DGKH: variants seen among roughly 807,000 people sequenced by gnomAD.
The protein encoded by DGKH is DAG kinase eta.
A neutral mutation model predicts 159.3 loss-of-function variants in DGKH; 90 were observed. That is an observed-to-expected ratio of 0.57 (90% CI 0.48 to 0.67). The LOEUF is 0.67. DGKH is among the 30% of genes least tolerant of loss of function. The pLI is 0.00. For synonymous variants in DGKH, 536 were observed against 553.8 expected (o/e 0.97, Z 0.45); for missense variants, 1,181 against 1,506.1 (o/e 0.78, Z 3.57).
chr13:42,229,368 G>A lies in DGKH; in HGVS notation c.*180G>A, dbSNP rs533558033. On this transcript the variant is annotated 3_prime_UTR_variant, in exon 30 of 30. Transcript: ENST00000337343. ...TTGAGGTATTAGAAAATATTTTTGT[G>A]CCGAACAATACATTCCACAAAGCCA... 7.0e-5 allele frequency: 39 copies of A among 554,592 alleles called. 1 individual carries two copies. The African/African-American group carries it at 7.4e-4, about 11-fold the overall frequency. 34.4% of individuals were successfully genotyped at this position (554,592 alleles called of 1,614,324 possible). A position where few individuals can be genotyped will look rare whatever the true frequency, so the allele number is the denominator to read the frequency against.
chr13:42,147,708 C>T (rs993172320), intron 3 of DGKH, among the ~76,000 whole-genome samples: 6 of 152,154 alleles, frequency 3.9e-5, no homozygotes, highest in African/African-American at 1.2e-4. Flanking sequence ...TGAAAGCCTA[C>T]ATAAATAATT....
Position 42,155,750 on chromosome 13 carries a change from G to A in DGKH, c.573G>A (p.Val191=). ...ACGCCCGACCCACCTTCTGTAACGT[G>A]TGCAGAGAGAGTCTTTCTGGAGTCA... is the stretch of plus-strand genomic sequence containing the variant. ...CSHARPTFCN[V]CRESLSGVTS... is the part of the protein sequence containing the mutation. The change falls in exon 5 of 30, where the codon GTG becomes GTA. Residue 191 remains valine, a synonymous_variant. Transcript: ENST00000337343. 1 of 1,614,086 alleles carries A rather than the reference G, an allele frequency of 6.2e-7. No homozygotes were observed. The highest frequency in any genetic ancestry group is 1.6e-4 in the Middle Eastern group (1 of 6,062).
intron 13 of DGKH, among the ~76,000 whole-genome samples, chr13:42,180,964 T>C (rs577499620): frequency 1.3e-5 from 2 of 152,252 alleles, no homozygotes; most frequent in East Asian, 3.9e-4. Context: ...ACCATCTTAA[T>C]GAAATTCTGC....
chr13:42,062,582 T>C (rs1882264733), intron 1 of DGKH, among the ~76,000 whole-genome samples: 2 of 152,198 alleles, frequency 1.3e-5, no homozygotes, highest in South Asian at 2.1e-4. Context: ...CAAAGAAATA[T>C]GTTCTATCAG....
intron 3 of DGKH, among the ~76,000 whole-genome samples, chr13:42,154,890 T>A (rs549178832): frequency 8.2e-4 from 123 of 150,690 alleles, no homozygotes; most frequent in Non-Finnish European, 1.5e-3. Context: ...AAAAAAAAAA[T>A]TAAGAAATCA....
chr13:42,213,889 T>C (rs1290593225), intron 24 of DGKH, among the ~76,000 whole-genome samples: 3 of 152,174 alleles, frequency 2.0e-5, no homozygotes, highest in Non-Finnish European at 4.4e-5. Flanking sequence ...TCTTAGAGGT[T>C]TGGATACCAG....
intron 1 of DGKH, among the ~76,000 whole-genome samples, chr13:42,098,416 T>G (rs1376820715): frequency 5.3e-5 from 8 of 151,726 alleles, no homozygotes; most frequent in Non-Finnish European, 1.2e-4. Flanking sequence ...GAACTCGGGA[T>G]GCAGAGGTTC....
At chr13:42,069,453 A>C (rs1882810284) in intron 1 of DGKH, 3 of 1,550,246 alleles carry the variant, frequency 1.9e-6, no homozygotes, top group Non-Finnish European at 2.6e-6. Context: ...TTAATTTATC[A>C]ACAACATCAG....
At chr13:42,064,380 A>C (rs1882409117) in intron 1 of DGKH, among the ~76,000 whole-genome samples, 1 of 152,050 alleles carries the variant, frequency 6.6e-6, no homozygotes, top group Admixed American at 6.6e-5. Context: ...GGTGACCAGG[A>C]CTCTAAGCGC....
chr13:42,255,936 T>C (rs1958654212), intron 30 of DGKH: 1 of 1,599,154 alleles, frequency 6.3e-7, no homozygotes, highest in Admixed American at 1.7e-5. Context: ...CCAAATAAAT[T>C]TGAAGCTCTG....
intron 11 of DGKH, among the ~76,000 whole-genome samples, chr13:42,169,411 T>G (rs1956392108): frequency 6.6e-6 from 1 of 152,184 alleles, no homozygotes; most frequent in Non-Finnish European, 1.5e-5. Context: ...CTTAATTGCT[T>G]TCTCTCTGAA....
chr13:42,057,020 T>A (rs1048261103), intron 1 of DGKH, among the ~76,000 whole-genome samples: 8 of 152,212 alleles, frequency 5.3e-5, no homozygotes, highest in Non-Finnish European at 1.0e-4. Context: ...AATTTTGAAA[T>A]AAAAAATTCC....
rs757717507 is a variant in DGKH, at chr13:42,210,700, C to T, written c.2949C>T (p.Asp983=). The T allele has an allele frequency of 1.2e-6, 2 of 1,612,272 alleles. No homozygotes were observed. Among genetic ancestry groups the T allele is most frequent in the East Asian group, 2.2e-5 (1 of 44,890 alleles). ...ATTTGTACATCCATCACGCCATTGA[C>T]TTGGCAACAGAAGAGGTGTCGCAGA... ...RTHLYIHHAI[D]LATEEVSQMQ... The change falls in exon 24 of 30, where the codon GAC becomes GAT. Residue 983 remains aspartate (D), a synonymous_variant. Transcript: ENST00000337343.
At chr13:42,256,482 C>T in exon 31 of DGKH, 1 of 1,233,822 alleles carries the variant, frequency 8.1e-7, no homozygotes, top group Non-Finnish European at 1.2e-6. Flanking sequence ...TATCTCACAC[C>T]AGAACAGTTT....
intron 1 of DGKH, among the ~76,000 whole-genome samples, chr13:42,107,505 C>T (rs1954782304): frequency 6.6e-6 from 1 of 152,080 alleles, no homozygotes; most frequent in African/African-American, 2.4e-5. Context: ...AGGGAAGTGA[C>T]CAGATGAGAT....
intron 5 of DGKH, among the ~76,000 whole-genome samples, chr13:42,156,525 G>A (rs1956051431): frequency 6.6e-6 from 1 of 152,108 alleles, no homozygotes; most frequent in Non-Finnish European, 1.5e-5. Flanking sequence ...AAATTTGTGA[G>A]TTATTTTTAA....
chr13:42,060,977 G>A (rs750378598), intron 1 of DGKH, among the ~76,000 whole-genome samples: 136 of 152,116 alleles, frequency 8.9e-4, no homozygotes, highest in Non-Finnish European at 1.7e-3. Context: ...GAAAACTTAG[G>A]ACATGGACAC....
At chr13:42,118,100 C>A (rs576597223) in intron 1 of DGKH, among the ~76,000 whole-genome samples, 119 of 152,184 alleles carry the variant, frequency 7.8e-4, no homozygotes, top group South Asian at 1.5e-3. Flanking sequence ...GCCTGTAGTC[C>A]CAGCTACTCG....
chr13:42,061,851 A>C (rs1425724774), intron 1 of DGKH, among the ~76,000 whole-genome samples: 2 of 152,240 alleles, frequency 1.3e-5, no homozygotes, highest in Non-Finnish European at 1.5e-5. Context: ...CCCTGCTGTT[A>C]TAGAGCTTAT....
Sources: gnomAD v4.1 joint callset for allele counts (sites outside exome capture counted in the v4.1 genomes callset) on GRCh38, gnomAD v4.1.1 for gene constraint, MANE v1.5 for transcripts, NCBI Gene and HGNC (gene_info 2026-07-23, HGNC 2026-07-21) for gene names.